Variants in RSRC1 observed in about 807,000 individuals in gnomAD.
RSRC1 encodes the protein serine/Arginine-related protein 53.
A neutral mutation model predicts 49.1 loss-of-function variants in RSRC1; 39 were observed. That is an observed-to-expected ratio of 0.79 (90% CI 0.61 to 1.04). The LOEUF is 1.04. Among genes scored for constraint, RSRC1 ranks in the 50% least tolerant of loss-of-function variants. The probability of loss-of-function intolerance (pLI) is 0.00; values close to 1 mark genes in which losing one functional copy is unlikely to be tolerated. For missense variants in RSRC1, 388 were observed against 402.4 expected, an observed-to-expected ratio of 0.96 and a Z score of 0.31; for synonymous variants, 143 against 130.8, an observed-to-expected ratio of 1.09 and a Z score of -0.63.
intron 4 of RSRC1, among the ~76,000 whole-genome samples, chr3:158,220,808 ATAGT>A (rs888380305): frequency 2.8e-4 from 43 of 151,610 alleles, no homozygotes; most frequent in African/African-American, 1.0e-3. Context: ...CTGGCTTTAA[ATAGT>A]TAGAATACCA....
At chr3:158,379,453 G>A (rs1732573857) in intron 6 of RSRC1, among the ~76,000 whole-genome samples, 1 of 151,954 alleles carries the variant, frequency 6.6e-6, no homozygotes, top group African/African-American at 2.4e-5. Context: ...GCCTGCCTTG[G>A]CCTCCCAAAG....
chr3:158,395,127 T>C (rs1733536269), intron 6 of RSRC1, among the ~76,000 whole-genome samples: 1 of 152,104 alleles, frequency 6.6e-6, no homozygotes, highest in Non-Finnish European at 1.5e-5. Flanking sequence ...TGGCTAGATA[T>C]AGGCAGAAAA....
chr3:158,329,547 C>G (rs962880835), intron 5 of RSRC1, among the ~76,000 whole-genome samples: 4 of 152,228 alleles, frequency 2.6e-5, no homozygotes, highest in Non-Finnish European at 5.9e-5. Context: ...GGCTGCAGAA[C>G]AGCGAATATT....
At chr3:158,255,299 C>T (rs983115978) in intron 4 of RSRC1, among the ~76,000 whole-genome samples, 7 of 152,160 alleles carry the variant, frequency 4.6e-5, no homozygotes, top group African/African-American at 1.7e-4. Context: ...CCAGTTTTCC[C>T]AGCACCATTT....
chr3:158,412,257 A>G (rs1030206665), intron 6 of RSRC1, among the ~76,000 whole-genome samples: 1 of 152,162 alleles, frequency 6.6e-6, no homozygotes, highest in Non-Finnish European at 1.5e-5. Context: ...GAAGAAGGAT[A>G]AGAACCATAA....
chr3:158,259,646 G>T (rs990482888), intron 4 of RSRC1, among the ~76,000 whole-genome samples: 1 of 152,190 alleles, frequency 6.6e-6, no homozygotes, highest in East Asian at 1.9e-4. Flanking sequence ...AGCCTGGCTT[G>T]TGTCCTTCTT....
intron 5 of RSRC1, among the ~76,000 whole-genome samples, chr3:158,328,067 T>G (rs1729280194): frequency 6.6e-6 from 1 of 151,924 alleles, no homozygotes; most frequent in Non-Finnish European, 1.5e-5. Context: ...CTGCCTTTTT[T>G]TGTTTTCCAT....
At chr3:158,223,532 A>G (rs1234109203) in intron 4 of RSRC1, among the ~76,000 whole-genome samples, 3 of 150,910 alleles carry the variant, frequency 2.0e-5, no homozygotes, top group African/African-American at 7.3e-5. Flanking sequence ...TGATATCTCC[A>G]CTGATACAGA....
At chr3:158,409,155 G>GA (rs1318298512) in intron 6 of RSRC1, among the ~76,000 whole-genome samples, 2 of 152,070 alleles carry the variant, frequency 1.3e-5, no homozygotes, top group African/African-American at 4.8e-5. Flanking sequence ...TGAGAGGAGG[G>GA]ATAGGATCAG....
chr3:158,375,738 G>T (rs147730221), intron 6 of RSRC1, among the ~76,000 whole-genome samples: 140 of 152,124 alleles, frequency 9.2e-4, no homozygotes, highest in African/African-American at 3.3e-3. Context: ...CTAAGCCTGT[G>T]TTCATTCTTT....
chr3:158,394,637 T>C (rs1733510579), intron 6 of RSRC1, among the ~76,000 whole-genome samples: 1 of 151,902 alleles, frequency 6.6e-6, no homozygotes, highest in Non-Finnish European at 1.5e-5. Context: ...ACCAGGGAAG[T>C]GAAAGATCTT....
chr3:158,362,175 C>G (rs1372731651), intron 6 of RSRC1, among the ~76,000 whole-genome samples: 1 of 151,890 alleles, frequency 6.6e-6, no homozygotes, highest in Non-Finnish European at 1.5e-5. Flanking sequence ...CCTGTCTCTA[C>G]AAAAAAATAC....
At position 158,132,013 on chromosome 3, in the gene RSRC1, T is replaced by C. The variant is rs1383186470; in HGVS notation, c.320+8022T>C. ...TTATTTATTCATTTGAGACAGAGTG[T>C]TGCTCTGTCACCTGGGCTGGAGTGC... is the stretch of plus-strand genomic sequence containing the variant. On this transcript the variant is annotated intron_variant, in intron 3 of 9. Coordinates refer to ENST00000611884, the MANE Select transcript of RSRC1 (RefSeq NM_001271838.2). The C allele has an allele frequency of 1.3e-5, 4 of 310,264 alleles. No homozygotes were observed. In the Admixed American group the frequency reaches 1.4e-4, roughly 11 times the overall value. 19.2% of individuals were successfully genotyped at this position (310,264 alleles called of 1,614,324 possible). A position where few individuals can be genotyped will look rare whatever the true frequency, so the allele number is the denominator to read the frequency against.
chr3:158,260,100 A>G (rs28759674), intron 4 of RSRC1, among the ~76,000 whole-genome samples: 1 of 151,114 alleles, frequency 6.6e-6, no homozygotes, highest in Non-Finnish European at 1.5e-5. Context: ...GCCAAGCTGC[A>G]AGACAAAGTC....
chr3:158,407,170 G>T (rs1319488028), intron 6 of RSRC1, among the ~76,000 whole-genome samples: 1 of 152,044 alleles, frequency 6.6e-6, no homozygotes, highest in African/African-American at 2.4e-5. Context: ...TTGTTTTAAA[G>T]CAATTGAAAT....
chr3:158,166,310 T>C (rs1003013123), intron 3 of RSRC1, among the ~76,000 whole-genome samples: 1 of 152,188 alleles, frequency 6.6e-6, no homozygotes, highest in African/African-American at 2.4e-5. Context: ...TCATATGATA[T>C]CAGATTTAAT....
At position 158,326,600 on chromosome 3, in the gene RSRC1, A is replaced by G. The variant is rs192213711; in HGVS notation, c.532-28257A>G. On this transcript the variant is annotated intron_variant, in intron 5 of 9. Coordinates refer to ENST00000611884, the MANE Select transcript of RSRC1 (RefSeq NM_001271838.2). ...GAAGCCAACTAGATCATGGTGGATA[A>G]GCTCTTTGATGTGCTGCTGGATTTG... Among the ~76,000 whole-genome samples, 15 of 152,142 alleles carry G rather than the reference A, an allele frequency of 9.9e-5. No homozygotes were observed. In the East Asian group the frequency reaches 2.9e-3, roughly 29 times the overall value.
intron 4 of RSRC1, among the ~76,000 whole-genome samples, chr3:158,224,171 A>G (rs1256358186): frequency 6.6e-6 from 1 of 151,854 alleles, no homozygotes; most frequent in Non-Finnish European, 1.5e-5. Context: ...ATGACTAAAT[A>G]TGTCACTTGG....
At chr3:158,470,445 G>C (rs1277173210) in intron 7 of RSRC1, among the ~76,000 whole-genome samples, 3 of 151,142 alleles carry the variant, frequency 2.0e-5, no homozygotes, top group Non-Finnish European at 4.4e-5. Context: ...AGTTTTCTGG[G>C]ATTAAGTGGT....
Sources: allele counts gnomAD v4.1 joint callset (sites outside exome capture counted in the v4.1 genomes callset), GRCh38; gene constraint gnomAD v4.1.1; transcripts MANE v1.5; gene names NCBI Gene and HGNC (gene_info 2026-07-23, HGNC 2026-07-21).